The following ATXN7 variants were observed in gnomAD, a reference collection of about 807,000 sequenced individuals.
ATXN7 encodes the protein ataxin 7.
Under a neutral mutation model 70.5 loss-of-function variants are expected in ATXN7, and 12 were observed. The observed-to-expected ratio is 0.17, with a 90% CI of 0.11 to 0.28. The LOEUF is 0.28. Among genes scored for constraint, ATXN7 ranks in the 10% least tolerant of loss-of-function variants. The pLI is 1.00. For missense variants in ATXN7, 1,256 were observed against 1,131.7 expected (o/e 1.11, Z -1.58); for synonymous variants, 498 against 448.7 (o/e 1.11, Z -1.39).
chr3:63,930,042 T>G (rs1159565690), intron 4 of ATXN7, among the ~76,000 whole-genome samples: 3 of 152,164 alleles, frequency 2.0e-5, no homozygotes, highest in African/African-American at 7.2e-5. Flanking sequence ...TTGGCAGGAA[T>G]CTAGGGTTTT....
chr3:63,985,074 A>C (rs1177099436), intron 8 of ATXN7, among the ~76,000 whole-genome samples: 1 of 152,218 alleles, frequency 6.6e-6, no homozygotes, highest in Non-Finnish European at 1.5e-5. Flanking sequence ...TCTATTATAA[A>C]TAATACTTCA....
chr3:63,970,395 G>C (rs2075291416), intron 5 of ATXN7, among the ~76,000 whole-genome samples: 1 of 151,856 alleles, frequency 6.6e-6, no homozygotes, highest in Admixed American at 6.6e-5. Flanking sequence ...AAGACAAGCT[G>C]TTTTTTGAAA....
chr3:63,883,849 G>GA (rs201583602), intron 1 of ATXN7, among the ~76,000 whole-genome samples: 198 of 151,216 alleles, frequency 1.3e-3, no homozygotes, highest in African/African-American at 4.5e-3. Context: ...CCCAACAACA[G>GA]AAAAAAAAAT....
intron 1 of ATXN7, among the ~76,000 whole-genome samples, chr3:63,892,403 CA>C (rs753375773): frequency 0.1 from 15,006 of 150,574 alleles, 908 homozygotes; most frequent in Middle Eastern, 0.15. Context: ...CACACACACA[CA>C]CACACACCCG....
chr3:63,919,420 T>C (rs939395272), intron 4 of ATXN7, among the ~76,000 whole-genome samples: 1 of 152,192 alleles, frequency 6.6e-6, no homozygotes, highest in Non-Finnish European at 1.5e-5. Flanking sequence ...TACAGTCTTA[T>C]TATTCTTGAA....
upstream of ATXN7, chr3:63,863,563 G>A: frequency 8.4e-7 from 1 of 1,196,602 alleles, no homozygotes; most frequent in Non-Finnish European, 1.0e-6. Flanking sequence ...TCTCCGAGGG[G>A]CGCTCGGGCT....
At chr3:63,966,228 G>T (rs1045969802) in intron 5 of ATXN7, among the ~76,000 whole-genome samples, 2 of 152,144 alleles carry the variant, frequency 1.3e-5, no homozygotes, top group Admixed American at 6.5e-5. Context: ...GTGAGATTTA[G>T]CTCCAGAAAG....
At chr3:63,879,731 A>G (rs1315290139) in intron 1 of ATXN7, among the ~76,000 whole-genome samples, 1 of 152,028 alleles carries the variant, frequency 6.6e-6, no homozygotes, top group African/African-American at 2.4e-5. Context: ...ACCTCAGGTG[A>G]TCTTTATAAG....
intron 12 of ATXN7, among the ~76,000 whole-genome samples, chr3:63,997,231 C>T (rs555094605): frequency 1.4e-4 from 22 of 152,174 alleles, no homozygotes; most frequent in African/African-American, 3.6e-4. Context: ...GCACTCCATC[C>T]GGCCTATGAG....
At position 63,952,419 on chromosome 3, in the gene ATXN7, C is replaced by G; in HGVS notation, c.435C>G (p.Phe145Leu). The G allele has an allele frequency of 1.9e-6, 3 of 1,612,388 alleles. No homozygotes were observed. Among genetic ancestry groups the G allele is most frequent in the Non-Finnish European group, 2.5e-6 (3 of 1,179,564 alleles). Reference protein sequence around the residue: ...IFGFCPAHDDFYLVVCNDCNQ... With the variant: ...IFGFCPAHDDLYLVVCNDCNQ... ...GTTTCTGTCCAGCCCATGATGATTTCTACTTGGTGGTGTGTAACGACTGTA... is the reference window on the plus strand; with the variant it reads ...GTTTCTGTCCAGCCCATGATGATTTGTACTTGGTGGTGTGTAACGACTGTA... Residue 145 changes from phenylalanine to leucine, a missense_variant, in exon 5 of 13, where the codon TTC becomes TTG. Phe to Leu is a conservative substitution (Grantham distance 22, BLOSUM62 0). Coordinates refer to ENST00000674280, the MANE Select transcript of ATXN7 (RefSeq NM_001377405.1).
chr3:63,974,340 T>C (rs1265391680), intron 5 of ATXN7, among the ~76,000 whole-genome samples: 1 of 152,256 alleles, frequency 6.6e-6, no homozygotes, highest in East Asian at 1.9e-4. Flanking sequence ...ACTTGTACAC[T>C]AACAACCTGA....
chr3:63,913,517 C>T (rs559246361), intron 4 of ATXN7, among the ~76,000 whole-genome samples: 3 of 152,192 alleles, frequency 2.0e-5, no homozygotes, highest in Non-Finnish European at 4.4e-5. Context: ...TTCTGACCTC[C>T]TTACGGAGAA....
intron 5 of ATXN7, among the ~76,000 whole-genome samples, chr3:63,963,979 T>C (rs562659864): frequency 1.3e-5 from 2 of 152,306 alleles, no homozygotes; most frequent in Admixed American, 1.3e-4. Flanking sequence ...CCAGCCACTA[T>C]GAGAGTTATC....
At chr3:63,986,447 G>A (rs558783033) in intron 8 of ATXN7, among the ~76,000 whole-genome samples, 7 of 152,282 alleles carry the variant, frequency 4.6e-5, no homozygotes, top group African/African-American at 9.6e-5. Flanking sequence ...GCTAGGCACC[G>A]GGAACATTCA....
chr3:63,998,587 T>C, intron 12 of ATXN7: 1 of 985,398 alleles, frequency 1.0e-6, no homozygotes, highest in African/African-American at 1.7e-5. Flanking sequence ...AGTTTGTGTT[T>C]GAGAGAGATT....
Position 63,996,080 on chromosome 3 carries a change from C to G in ATXN7, c.2258C>G (p.Ser753Cys), listed in dbSNP as rs562913625. The change falls in exon 12 of 13, where the codon TCC (serine) becomes TGC (cysteine). Residue 753 changes from serine to cysteine, a missense_variant. Ser to Cys is a moderately radical substitution (Grantham distance 112). Transcript: ENST00000674280. Reference sequence around the variant, plus strand: ...CCCTACCCCTCAACGGTAACATCTTCCCATAGCATCGGCCTCAACTGTGTG... The same window carrying G: ...CCCTACCCCTCAACGGTAACATCTTGCCATAGCATCGGCCTCAACTGTGTG... ...GPPYPSTVTS[S>C]HSIGLNCVTN... 4.5e-5 allele frequency: 73 copies of G among 1,614,228 alleles called. No homozygotes were observed. The South Asian group carries it at 7.6e-4, about 17-fold the overall frequency.
chr3:63,917,224 T>G (rs1704316400), intron 4 of ATXN7, among the ~76,000 whole-genome samples: 1 of 152,172 alleles, frequency 6.6e-6, no homozygotes, highest in Non-Finnish European at 1.5e-5. Flanking sequence ...CTGGTTGACG[T>G]TTTTGAAATG....
chr3:63,938,266 T>G (rs1028716508), intron 4 of ATXN7, among the ~76,000 whole-genome samples: 1 of 152,224 alleles, frequency 6.6e-6, no homozygotes, highest in African/African-American at 2.4e-5. Flanking sequence ...TACTTTCTTG[T>G]GGAAGTATTG....
At chr3:63,972,426 C>A (rs1289920761) in intron 5 of ATXN7, among the ~76,000 whole-genome samples, 2 of 152,146 alleles carry the variant, frequency 1.3e-5, no homozygotes, top group Non-Finnish European at 1.5e-5. Context: ...TCATAAGGCC[C>A]ATCCATGCAG....
Sources: gnomAD v4.1 joint callset for allele counts (sites outside exome capture counted in the v4.1 genomes callset) on GRCh38, gnomAD v4.1.1 for gene constraint, MANE v1.5 for transcripts, NCBI Gene and HGNC (gene_info 2026-07-23, HGNC 2026-07-21) for gene names.